The following ANKRD11 variants were observed in gnomAD, a reference collection of about 807,000 sequenced individuals.
The protein encoded by ANKRD11 is ankyrin repeat domain-containing protein 11.
Under a neutral mutation model 195.7 loss-of-function variants are expected in ANKRD11, and 17 were observed. That is an observed-to-expected ratio of 0.09 (90% CI 0.06 to 0.13). The LOEUF (loss-of-function observed/expected upper bound fraction) is 0.13. ANKRD11 is among the 10% of genes least tolerant of loss of function. The probability of loss-of-function intolerance (pLI) is 1.00; values close to 1 mark genes in which losing one functional copy is unlikely to be tolerated. For synonymous variants in ANKRD11, 1,953 were observed against 1,528.1 expected (o/e 1.28, Z -6.49); for missense variants, 3,735 against 3,566.1 (o/e 1.05, Z -1.21).
chr16:89,316,683 T>G lies in ANKRD11; in HGVS notation c.87+250A>C, dbSNP rs140792303. Among the ~76,000 whole-genome samples, 383 of 152,318 alleles carry G rather than the reference T, an allele frequency of 2.5e-3. No homozygotes were observed. Among genetic ancestry groups the G allele is most frequent in the African/African-American group, 9.0e-3 (374 of 41,568 alleles). On this transcript the variant is annotated intron_variant, in intron 3 of 12. Transcript: ENST00000301030. Reference sequence around the variant, plus strand: ...TAGAAACGTGCAGCCACATTGAGGCTCAGGCCAACTTCTGTACATAAAGCT... The same window carrying G: ...TAGAAACGTGCAGCCACATTGAGGCGCAGGCCAACTTCTGTACATAAAGCT...
chr16:89,409,022 G>C (rs975081094), intron 2 of ANKRD11, among the ~76,000 whole-genome samples: 1 of 152,140 alleles, frequency 6.6e-6, no homozygotes, highest in Admixed American at 6.5e-5. Context: ...AAACCAAAAA[G>C]AGCCACAGCC....
intron 1 of ANKRD11, among the ~76,000 whole-genome samples, chr16:89,461,312 G>C (rs1330683734): frequency 1.3e-5 from 2 of 151,782 alleles, no homozygotes; most frequent in African/African-American, 4.8e-5. Flanking sequence ...TTAATGGGTA[G>C]CCGGTGTCGT....
intron 2 of ANKRD11, among the ~76,000 whole-genome samples, chr16:89,347,997 G>C (rs146642697): frequency 0.032 from 4,907 of 151,846 alleles, 261 homozygotes; most frequent in African/African-American, 0.11. Context: ...GAAATGGCAT[G>C]ATCTCGGCTC....
At chr16:89,434,599 G>A (rs971876428) in intron 1 of ANKRD11, among the ~76,000 whole-genome samples, 4 of 152,300 alleles carry the variant, frequency 2.6e-5, no homozygotes, top group African/African-American at 4.8e-5. Flanking sequence ...AGGAAAGCTG[G>A]CCCGACAATC....
chr16:89,444,855 G>T (rs1398977999), intron 1 of ANKRD11, among the ~76,000 whole-genome samples: 1 of 152,172 alleles, frequency 6.6e-6, no homozygotes, highest in African/African-American at 2.4e-5. Context: ...TAACAACCAA[G>T]TAACCCTACA....
intron 6 of ANKRD11, among the ~76,000 whole-genome samples, chr16:89,289,494 C>T (rs1181305758): frequency 1.3e-5 from 2 of 152,212 alleles, no homozygotes; most frequent in Admixed American, 1.3e-4. Flanking sequence ...TCATGGAGCT[C>T]TTAAGCCCCT....
intron 12 of ANKRD11, 28 bp downstream of exon 12, chr16:89,270,789 C>T (rs771078045): frequency 3.1e-6 from 5 of 1,606,218 alleles, no homozygotes; most frequent in Middle Eastern, 2.0e-4. Flanking sequence ...CTCCCCCAGG[C>T]AGAACTGAGG....
intron 2 of ANKRD11, among the ~76,000 whole-genome samples, chr16:89,399,162 C>T (rs1007887874): frequency 1.3e-5 from 2 of 152,184 alleles, no homozygotes; most frequent in East Asian, 1.9e-4. Context: ...CACGAGTCCA[C>T]GCAAGGACAC....
intron 9 of ANKRD11, among the ~76,000 whole-genome samples, chr16:89,276,729 T>G (rs2033687910): frequency 6.6e-6 from 1 of 152,190 alleles, no homozygotes; most frequent in African/African-American, 2.4e-5. Context: ...CTCTGCTGTT[T>G]CTGAACTTTT....
chr16:89,359,008 A>G (rs1263877994), intron 2 of ANKRD11, among the ~76,000 whole-genome samples: 2 of 152,100 alleles, frequency 1.3e-5, no homozygotes, highest in Non-Finnish European at 2.9e-5. Context: ...TATTTTTTGT[A>G]AAGACAAGGC....
rs201522384 is a variant in ANKRD11 at position 89,283,444 on chromosome 16, C to A, written c.3098G>T (p.Ser1033Ile). 85 of 1,614,090 alleles carry A rather than the reference C, an allele frequency of 5.3e-5. No individual in the cohort carries two copies. The highest frequency in any genetic ancestry group is 6.9e-5 in the Non-Finnish European group (81 of 1,180,064). Residue 1033 changes from serine to isoleucine, a missense_variant, in exon 9 of 13, where the codon AGT (serine) becomes ATT (isoleucine). Transcript: ENST00000301030. The surrounding 1 kb of genome is among the most constrained non-coding windows in gnomAD (Gnocchi z 4.3). ...TKPERYKEKSSDKDKSEKSIL... is the reference protein window; with the variant it reads ...TKPERYKEKSIDKDKSEKSIL... Reference sequence around the variant, plus strand: ...TGATTTCTCACTTTTGTCCTTGTCACTGGATTTCTCTTTGTATCTTTCTGG... The same window carrying A: ...TGATTTCTCACTTTTGTCCTTGTCAATGGATTTCTCTTTGTATCTTTCTGG...
At chr16:89,391,970 T>C (rs376624747) in intron 2 of ANKRD11, among the ~76,000 whole-genome samples, 1 of 152,240 alleles carries the variant, frequency 6.6e-6, no homozygotes, top group East Asian at 1.9e-4. Context: ...CTGTTCCTCT[T>C]CCTTAGTTGA....
At chr16:89,395,209 G>A (rs1197486226) in intron 2 of ANKRD11, among the ~76,000 whole-genome samples, 6 of 152,242 alleles carry the variant, frequency 3.9e-5, no homozygotes, top group African/African-American at 7.2e-5. Context: ...TTAAGGCAGC[G>A]TCTTAACAGA....
chr16:89,437,451 C>G (rs1422956360), intron 1 of ANKRD11, among the ~76,000 whole-genome samples: 1 of 152,070 alleles, frequency 6.6e-6, no homozygotes, highest in Non-Finnish European at 1.5e-5. Context: ...TCTCCTCATT[C>G]ACCTCTTCTT....
In ANKRD11 at chr16:89,280,902, C is replaced by T; in HGVS notation, c.5640G>A (p.Glu1880=). The T allele has an allele frequency of 6.2e-7, 1 of 1,602,334 alleles. No homozygotes were observed. Among genetic ancestry groups the T allele is most frequent in the East Asian group, 2.2e-5 (1 of 44,578 alleles). ...TTGCTTGTAAACTTGAGAAGACGCC[C>T]TCTGGAGACGGGGTGACAGTGACAA... The part of the protein sequence containing the change: ...AAVVTVTPSP[E]GVFSSLQAKP... The change falls in exon 9 of 13, where the codon GAG becomes GAA. Residue 1880 remains glutamate, a synonymous_variant. Transcript: ENST00000301030.
At chr16:89,486,638 G>A (rs1035053240) in intron 1 of ANKRD11, among the ~76,000 whole-genome samples, 2 of 152,148 alleles carry the variant, frequency 1.3e-5, no homozygotes, top group Admixed American at 6.6e-5. Context: ...ATGACTGGAA[G>A]CTTGGGGCAG....
chr16:89,358,927 G>C (rs1319362921), intron 2 of ANKRD11, among the ~76,000 whole-genome samples: 2 of 152,078 alleles, frequency 1.3e-5, no homozygotes, highest in Admixed American at 6.5e-5. Context: ...CTGGGCTCAA[G>C]TGATCCTCCC....
At chr16:89,305,388 A>C in intron 3 of ANKRD11, 44 bp from the exon 4 acceptor site, 1 of 1,613,086 alleles carries the variant, frequency 6.2e-7, no homozygotes, top group Non-Finnish European at 8.5e-7. Context: ...TCCAAATTAC[A>C]TTCTCAAGCT....
At chr16:89,273,231 G>A (rs549385278) in intron 11 of ANKRD11, among the ~76,000 whole-genome samples, 26 of 152,196 alleles carry the variant, frequency 1.7e-4, no homozygotes, top group Admixed American at 4.6e-4. Context: ...AATAAAGAGG[G>A]AAGTAATGCT....
Sources: allele counts gnomAD v4.1 joint callset (sites outside exome capture counted in the v4.1 genomes callset), GRCh38; gene constraint gnomAD v4.1.1; non-coding constraint Gnocchi (gnomAD v3.1); transcripts MANE v1.5; gene names NCBI Gene and HGNC (gene_info 2026-07-23, HGNC 2026-07-21).